Variants in DCAF1 observed in about 807,000 individuals in gnomAD.
DCAF1 encodes DDB1 and CUL4 associated factor 1, also known as DDB1- and CUL4-associated factor 1.
In DCAF1, 15 loss-of-function variants were observed where a neutral mutation model predicts 128.0. That is an observed-to-expected ratio of 0.12 (90% confidence interval 0.08 to 0.18). The LOEUF (loss-of-function observed/expected upper bound fraction) is 0.18, where lower values mean the gene tolerates loss of function less well. DCAF1 is among the 10% of genes least tolerant of loss of function. The pLI is 1.00. For missense variants in DCAF1, 988 were observed against 1,649.5 expected, an observed-to-expected ratio of 0.60 and a Z score of 6.95; for synonymous variants, 610 against 603.0, an observed-to-expected ratio of 1.01 and a Z score of -0.17.
chr3:51,497,667 G>A (rs1293124678), intron 1 of DCAF1, among the ~76,000 whole-genome samples: 1 of 152,180 alleles, frequency 6.6e-6, no homozygotes, highest in Non-Finnish European at 1.5e-5. Context: ...GGGAAGCCAA[G>A]TCGGAAGGAT....
At chr3:51,473,055 TCACC>T (rs1704948387) in intron 3 of DCAF1, among the ~76,000 whole-genome samples, 1 of 147,026 alleles carries the variant, frequency 6.8e-6, no homozygotes, top group Non-Finnish European at 1.5e-5. Context: ...GGTGGGCCGA[TCACC>T]TGAGGTCAGG....
At chr3:51,482,837 T>A (rs1193097975) in intron 3 of DCAF1, among the ~76,000 whole-genome samples, 1 of 150,512 alleles carries the variant, frequency 6.6e-6, no homozygotes, top group Admixed American at 6.7e-5. Context: ...TTATTTTTAT[T>A]TTTTTAATTT....
intron 3 of DCAF1, among the ~76,000 whole-genome samples, chr3:51,483,071 G>A (rs1017217996): frequency 1.3e-5 from 2 of 151,094 alleles, no homozygotes; most frequent in South Asian, 2.1e-4. Flanking sequence ...CCCAGGAGGC[G>A]GAGGTTACAG....
intron 7 of DCAF1, 121 bp downstream of exon 7, chr3:51,443,645 A>T (rs532430673): frequency 2.3e-6 from 2 of 870,830 alleles, no homozygotes; most frequent in African/African-American, 3.5e-5. Context: ...ACTAATATTG[A>T]AATTATAGCC....
chr3:51,397,427 A>G (rs2089274166), downstream of DCAF1: 1 of 167,032 alleles, frequency 6.0e-6, no homozygotes, highest in Non-Finnish European at 1.5e-5. Context: ...CTTTCAGAAA[A>G]CATTAGTGGC....
At chr3:51,405,859 A>G (rs1486947821) in intron 23 of DCAF1, among the ~76,000 whole-genome samples, 3 of 152,190 alleles carry the variant, frequency 2.0e-5, no homozygotes, top group Non-Finnish European at 4.4e-5. Flanking sequence ...AAAACTAAAA[A>G]TAATTATTTA....
At chr3:51,492,787 GAC>G (rs1707801627) in intron 2 of DCAF1, among the ~76,000 whole-genome samples, 1 of 151,872 alleles carries the variant, frequency 6.6e-6, no homozygotes, top group African/African-American at 2.4e-5. Context: ...GAGGTCAGGA[GAC>G]AGAGACCATC....
chr3:51,407,687 T>C (rs190229872), intron 23 of DCAF1, among the ~76,000 whole-genome samples: 1 of 152,246 alleles, frequency 6.6e-6, no homozygotes, highest in Admixed American at 6.5e-5. Flanking sequence ...TGAACTGATT[T>C]CTAAAAACAC....
chr3:51,476,410 A>G (rs1705450476), intron 3 of DCAF1, among the ~76,000 whole-genome samples: 1 of 151,682 alleles, frequency 6.6e-6, no homozygotes. Flanking sequence ...AAAACTGAGA[A>G]TAAAAAATAG....
At chr3:51,425,195 G>A (rs112731951) in intron 13 of DCAF1, among the ~76,000 whole-genome samples, 206 of 151,994 alleles carry the variant, frequency 1.4e-3, no homozygotes, top group African/African-American at 4.6e-3. Context: ...AATACAGGCC[G>A]GACCGTGTTT....
Position 51,441,852 on chromosome 3 carries a change from C to A in DCAF1, c.559G>T (p.Val187Leu), listed in dbSNP as rs1401661437. 1.9e-6 allele frequency: 3 copies of A among 1,612,204 alleles called. No homozygotes were observed. Among genetic ancestry groups the A allele is most frequent in the Non-Finnish European group, 1.7e-6 (2 of 1,179,822 alleles). ...RRLRELQLQE[V>L]ALRQENKRPS... ...CGCTTGTTTTCCTGCCGCAAAGCCA[C>A]TTCCTGTAGCTGTAGCTCCCTCAGT... Residue 187 changes from valine to leucine, a missense_variant, in exon 8 of 25, where the codon GTG becomes TTG. Val to Leu is a conservative substitution (Grantham distance 32). Transcript: ENST00000684031.
At chr3:51,476,389 A>C (rs1705447669) in intron 3 of DCAF1, among the ~76,000 whole-genome samples, 1 of 151,644 alleles carries the variant, frequency 6.6e-6, no homozygotes, top group African/African-American at 2.4e-5. Flanking sequence ...ACTCCATCTC[A>C]AAACAAACAA....
At chr3:51,402,477 A>G (rs1263736109) in intron 24 of DCAF1, among the ~76,000 whole-genome samples, 1 of 152,018 alleles carries the variant, frequency 6.6e-6, no homozygotes, top group Non-Finnish European at 1.5e-5. Flanking sequence ...CACAGCCACA[A>G]TCATTCATTT....
At chr3:51,469,362 C>T (rs992932009) in intron 4 of DCAF1, among the ~76,000 whole-genome samples, 10 of 151,472 alleles carry the variant, frequency 6.6e-5, no homozygotes, top group African/African-American at 2.4e-4. Context: ...TCCTGAGTAG[C>T]TGGGATTACA....
rs1559543532 is a variant in DCAF1, at chr3:51,463,235, G to GA, written c.262-9dup. The GA allele has an allele frequency of 5.1e-5, 74 of 1,447,220 alleles. No homozygotes were observed. Among genetic ancestry groups the GA allele is most frequent in the South Asian group, 1.6e-4 (12 of 74,312 alleles). The allele number at this position is 1,447,220 out of a possible 1,614,324, so 89.6% of individuals were successfully genotyped here. On this transcript the variant is annotated splice_polypyrimidine_tract_variant and intron_variant, in intron 5 of 24. Transcript: ENST00000684031. ...CACATATGCATTCACCAGCTGTAAA[G>GA]AAAAAAAAGAAATACTGTTCATCTA...
rs1703352887 is a variant in DCAF1 at position 51,459,914 on chromosome 3, A to G, written c.375+3200T>C. Among the ~76,000 whole-genome samples, 3 of 152,176 alleles carry G rather than the reference A, an allele frequency of 2.0e-5. No individual in the cohort carries two copies. In the South Asian group the frequency reaches 6.2e-4, roughly 32 times the overall value. On this transcript the variant is annotated intron_variant, in intron 6 of 24. Coordinates refer to ENST00000684031, the MANE Select transcript of DCAF1 (RefSeq NM_001387579.1). The stretch of plus-strand genomic sequence containing the variant: ...TATTGATGGGACCTATCTCAAAATA[A>G]TAAGAGCTATCCATGACAAACCCAC...
At chr3:51,465,276 G>A (rs782819203) in intron 5 of DCAF1, among the ~76,000 whole-genome samples, 7 of 152,102 alleles carry the variant, frequency 4.6e-5, no homozygotes, top group Non-Finnish European at 7.4e-5. Context: ...CAAGGACATC[G>A]TTACTGAGCT....
chr3:51,406,241 G>A (rs902884232), intron 23 of DCAF1, among the ~76,000 whole-genome samples: 1 of 151,040 alleles, frequency 6.6e-6, no homozygotes, highest in Non-Finnish European at 1.5e-5. Flanking sequence ...TACTCTGGAG[G>A]CTGAGGCAGG....
At chr3:51,479,246 A>G (rs1380010380) in intron 3 of DCAF1, among the ~76,000 whole-genome samples, 3 of 152,196 alleles carry the variant, frequency 2.0e-5, no homozygotes, top group African/African-American at 7.2e-5. Flanking sequence ...CACGCCTATA[A>G]TCTCAGCACT....
Sources: gnomAD v4.1 joint callset for allele counts (sites outside exome capture counted in the v4.1 genomes callset) on GRCh38, gnomAD v4.1.1 for gene constraint, MANE v1.5 for transcripts, NCBI Gene and HGNC (gene_info 2026-07-23, HGNC 2026-07-21) for gene names.